DNAJC2: variants seen among roughly 807,000 people sequenced by gnomAD.
DNAJC2 encodes dnaJ homolog subfamily C member 2.
Under a neutral mutation model 94.0 loss-of-function variants are expected in DNAJC2, and 32 were observed. The observed-to-expected ratio is 0.34, with a 90% CI of 0.26 to 0.46. The LOEUF is 0.46. DNAJC2 is among the 20% of genes least tolerant of loss of function. The pLI, the probability that DNAJC2 is intolerant of heterozygous loss-of-function variation, is 1.00. For synonymous variants in DNAJC2, 210 were observed against 229.7 expected, an observed-to-expected ratio of 0.91 and a Z score of 0.77; for missense variants, 550 against 719.5, an observed-to-expected ratio of 0.76 and a Z score of 2.69.
At chr7:103,320,830 CTTTTTTT>C (rs745754898) in intron 10 of DNAJC2, 19 of 113,760 alleles carry the variant, frequency 1.7e-4, no homozygotes, top group East Asian at 2.7e-4. Context: ...CTCAGCATGT[CTTTTTTT>C]TTTTTTTTTT....
At chr7:103,330,242 A>G (rs1427479594) in intron 3 of DNAJC2, among the ~76,000 whole-genome samples, 1 of 152,182 alleles carries the variant, frequency 6.6e-6, no homozygotes, top group Non-Finnish European at 1.5e-5. Flanking sequence ...CTATGTGTTC[A>G]TGAACACTAT....
At position 103,317,177 on chromosome 7, in the gene DNAJC2, T is replaced by A. The variant is rs1348645218; in HGVS notation, c.1243-163A>T. 6.3e-6 allele frequency: 4 copies of A among 634,344 alleles called. No homozygotes were observed. The Admixed American group carries it at 1.2e-4, about 19-fold the overall frequency. 39.3% of individuals were successfully genotyped at this position (634,344 alleles called of 1,614,324 possible). On this transcript the variant is annotated intron_variant, in intron 12 of 16. Coordinates refer to ENST00000379263, the MANE Select transcript of DNAJC2 (RefSeq NM_014377.3). ...AAAAAGAAGCACCAGCTTTTCACTC[T>A]GGCTTCCAGTCTGCATAGGTCTGCC...
chr7:103,327,812 A>G (rs1454132196), intron 3 of DNAJC2, 58 bp from the exon 4 acceptor site: 21 of 1,047,058 alleles, frequency 2.0e-5, no homozygotes, highest in Non-Finnish European at 2.9e-5. Context: ...AATAAAGATG[A>G]GCTACATGTA....
chr7:103,312,839 T>C (rs2115735007), intron 16 of DNAJC2, 108 bp downstream of exon 16: 2 of 1,524,554 alleles, frequency 1.3e-6, no homozygotes, highest in East Asian at 2.3e-5. Flanking sequence ...ACTACTGGTT[T>C]TGAAATAAGC....
chr7:103,338,867 G>A (rs762070521), intron 2 of DNAJC2, among the ~76,000 whole-genome samples: 18 of 151,942 alleles, frequency 1.2e-4, no homozygotes, highest in Non-Finnish European at 2.4e-4. Context: ...CCAAGACTGC[G>A]CCACTGCACT....
At position 103,322,760 on chromosome 7, in the gene DNAJC2, T is replaced by TA; in HGVS notation, c.753_754insT (p.Arg252Ter). The TA allele has an allele frequency of 6.2e-7, 1 of 1,608,184 alleles. No homozygotes were observed. Among genetic ancestry groups the TA allele is most frequent in the African/African-American group, 1.3e-5 (1 of 75,056 alleles). ...TTTTTTCTTTGTGCTCTTGTTGCTC[T>TA]GTTCTGCTTTTCAATCCATCTCCTC... On this transcript the variant is annotated frameshift_variant, in exon 8 of 17. Coordinates refer to ENST00000379263, the MANE Select transcript of DNAJC2 (RefSeq NM_014377.3). LOFTEE classifies it high-confidence loss of function.
rs764438367 is a variant in DNAJC2 at position 103,316,078 on chromosome 7, T to A, written c.1438A>T (p.Ile480Phe). 6.3e-7 allele frequency: 1 copy of A among 1,576,022 alleles called. No homozygotes were observed. Among genetic ancestry groups the A allele is most frequent in the South Asian group, 1.2e-5 (1 of 86,098 alleles). Residue 480 changes from isoleucine to phenylalanine, a missense_variant, in exon 14 of 17, where the codon ATT becomes TTT. Coordinates refer to ENST00000379263, the MANE Select transcript of DNAJC2 (RefSeq NM_014377.3). ...PAGTNSRWEVIANYMNIHSSS... is the reference protein window; with the variant it reads ...PAGTNSRWEVFANYMNIHSSS... ...GAATGTATGTTCATGTAATTAGCAA[T>A]AACTTCCCATCTGATAGGATATATT... is the stretch of plus-strand genomic sequence containing the variant.
chr7:103,323,614 TTTCTTC>T lies in DNAJC2; in HGVS notation c.697_702del (p.Glu233_Glu234del), dbSNP rs766405333. 2.7e-6 allele frequency: 4 copies of T among 1,469,284 alleles called. No homozygotes were observed. The highest frequency in any genetic ancestry group is 1.8e-4 in the Middle Eastern group (1 of 5,680). 91.0% of individuals were successfully genotyped at this position (1,469,284 alleles called of 1,614,324 possible). A position where few individuals can be genotyped will look rare whatever the true frequency, so the allele number is the denominator to read the frequency against. ...CATACATACCATTCTGCTTTTTCTT[TTTCTTC>T]TTCATCTAAATAAGAAAATTCTCTC... is the stretch of plus-strand genomic sequence containing the variant. On this transcript the variant is annotated inframe_deletion, in exon 7 of 17. Coordinates refer to ENST00000379263, the MANE Select transcript of DNAJC2 (RefSeq NM_014377.3).
rs77985131 is a variant in DNAJC2, at chr7:103,317,074, C to T, written c.1243-60G>A. Reference sequence around the variant, plus strand: ...ATACTGTATTGCTATTCTACACTCTCTTCCTGGCTAGGGCTTTGTGGTCCT... The same window carrying T: ...ATACTGTATTGCTATTCTACACTCTTTTCCTGGCTAGGGCTTTGTGGTCCT... On this transcript the variant is annotated intron_variant, in intron 12 of 16. Transcript: ENST00000379263. The T allele has an allele frequency of 7.3e-4, 1,059 of 1,450,898 alleles. 6 individuals carry two copies. In the African/African-American group the frequency reaches 0.014, roughly 19 times the overall value. The allele number at this position is 1,450,898 out of a possible 1,614,324, so 89.9% of individuals were successfully genotyped here. A position where few individuals can be genotyped will look rare whatever the true frequency, so the allele number is the denominator to read the frequency against.
At chr7:103,326,124 A>G (rs535130032) in intron 5 of DNAJC2, among the ~76,000 whole-genome samples, 1 of 152,100 alleles carries the variant, frequency 6.6e-6, no homozygotes, top group African/African-American at 2.4e-5. Flanking sequence ...GATTACAGGC[A>G]TGCACCTCCA....
intron 16 of DNAJC2, 132 bp from the exon 17 acceptor site, chr7:103,312,775 G>A (rs1817821886): frequency 6.6e-7 from 1 of 1,509,298 alleles, no homozygotes. Context: ...TATCTGCCAG[G>A]GCCTAGAAAG....
chr7:103,321,537 A>C (rs777153856), intron 10 of DNAJC2, among the ~76,000 whole-genome samples: 1 of 151,320 alleles, frequency 6.6e-6, no homozygotes, highest in Non-Finnish European at 1.5e-5. Flanking sequence ...AATAAATAAA[A>C]ATAATTTTTT....
At chr7:103,328,698 C>T (rs1818838527) in intron 3 of DNAJC2, among the ~76,000 whole-genome samples, 1 of 152,154 alleles carries the variant, frequency 6.6e-6, no homozygotes, top group African/African-American at 2.4e-5. Context: ...CTGCTTTCTT[C>T]AGCTTCACAT....
intron 3 of DNAJC2, chr7:103,336,082 G>A (rs912577734): frequency 3.3e-5 from 5 of 152,410 alleles, no homozygotes; most frequent in Non-Finnish European, 5.9e-5. Context: ...CAGGAGAATC[G>A]CTTGAACCTG....
At chr7:103,322,187 G>C in intron 9 of DNAJC2, 106 bp from the exon 10 acceptor site, 1 of 869,574 alleles carries the variant, frequency 1.1e-6, no homozygotes, top group Non-Finnish European at 1.6e-6. Flanking sequence ...AGGAAAAAAG[G>C]CAACATAAAC....
At chr7:103,330,799 C>G (rs1021548544) in intron 3 of DNAJC2, among the ~76,000 whole-genome samples, 2 of 149,814 alleles carry the variant, frequency 1.3e-5, no homozygotes, top group African/African-American at 4.9e-5. Flanking sequence ...CCAGGCTGGT[C>G]TTGAACTCCT....
In DNAJC2 at chr7:103,341,764, C is replaced by A; in HGVS notation, c.255G>T (p.Lys85Asn). The A allele has an allele frequency of 1.3e-6, 2 of 1,557,714 alleles. No individual in the cohort carries two copies. The highest frequency in any genetic ancestry group is 1.2e-5 in the South Asian group (1 of 80,998). Reference sequence around the variant, plus strand: ...AACAAAATATTCAGATATTAAATACCTTCCAGTCTTTGGGATCAAGTGTTT... The same window carrying A: ...AACAAAATATTCAGATATTAAATACATTCCAGTCTTTGGGATCAAGTGTTT... ...MLKTLDPKDW[K>N]NQDHYAVLGL... Residue 85 changes from lysine to asparagine, a missense_variant and splice_region_variant, in exon 2 of 17, where the codon AAG (lysine) becomes AAT (asparagine). Lys to Asn is a moderately conservative substitution (Grantham distance 94). Around this residue, in one of 2 missense-constraint regions of DNAJC2, gnomAD observed 279 missense variants for 416.9 expected, o/e 0.67. Coordinates refer to ENST00000379263, the MANE Select transcript of DNAJC2 (RefSeq NM_014377.3).
intron 3 of DNAJC2, chr7:103,329,187 A>G (rs575497240): frequency 6.1e-6 from 2 of 326,580 alleles, no homozygotes; most frequent in South Asian, 5.1e-5. Flanking sequence ...GCTAGCTGTT[A>G]ACATCTACAT....
intron 13 of DNAJC2, 167 bp from the exon 14 acceptor site, chr7:103,316,255 G>A (rs369709146): frequency 1.6e-5 from 7 of 435,922 alleles, no homozygotes; most frequent in East Asian, 3.4e-5. Context: ...CCTGGACTAC[G>A]GTTTTTGCTT....
Sources: allele counts gnomAD v4.1 joint callset (sites outside exome capture counted in the v4.1 genomes callset), GRCh38; gene constraint gnomAD v4.1.1; regional missense constraint gnomAD v4.1.1; transcripts MANE v1.5; gene names NCBI Gene and HGNC (gene_info 2026-07-23, HGNC 2026-07-21).